Variants in INTS4 observed in about 807,000 individuals in gnomAD.
INTS4 encodes the protein MSTP093.
Under a neutral mutation model 119.5 loss-of-function variants are expected in INTS4, and 70 were observed. The observed-to-expected ratio is 0.59, with a 90% CI of 0.48 to 0.71. INTS4 has a LOEUF of 0.71. Ranked by LOEUF, INTS4 falls within the 30% of genes least tolerant of loss-of-function variation. INTS4 has a pLI of 0.00. For missense variants in INTS4, 867 were observed against 1,173.2 expected, an observed-to-expected ratio of 0.74 and a Z score of 3.81; for synonymous variants, 316 against 419.6, an observed-to-expected ratio of 0.75 and a Z score of 3.02.
At chr11:77,920,245 A>G (rs1331048655) in intron 14 of INTS4, among the ~76,000 whole-genome samples, 10 of 73,812 alleles carry the variant, frequency 1.4e-4, no homozygotes, top group African/African-American at 5.5e-4. Flanking sequence ...ATATACATAT[A>G]TATACATATA....
At chr11:77,948,145 G>A (rs2136544698) in intron 8 of INTS4, among the ~76,000 whole-genome samples, 1 of 152,146 alleles carries the variant, frequency 6.6e-6, no homozygotes, top group African/African-American at 2.4e-5. Flanking sequence ...CACCACACCA[G>A]CCTAACTGAA....
chr11:77,877,811 G>A (rs535906472), downstream of INTS4, among the ~76,000 whole-genome samples: 3 of 151,684 alleles, frequency 2.0e-5, no homozygotes, highest in Admixed American at 6.6e-5. Flanking sequence ...TTGAACTCCT[G>A]GGCTCAAGAA....
chr11:77,932,735 G>C (rs1048136188), intron 10 of INTS4, among the ~76,000 whole-genome samples: 21 of 152,090 alleles, frequency 1.4e-4, no homozygotes, highest in Middle Eastern at 3.2e-3. Context: ...ACTGGATAAA[G>C]AAAATGTGGC....
intron 16 of INTS4, among the ~76,000 whole-genome samples, chr11:77,904,589 A>G (rs1212319166): frequency 6.6e-6 from 1 of 152,226 alleles, no homozygotes; most frequent in Admixed American, 6.5e-5. Flanking sequence ...AGTCCCATGT[A>G]TCTGGTGGCT....
rs1294070454 is a variant in INTS4 at position 77,903,615 on chromosome 11, C to A, written c.2022G>T (p.Leu674Phe). ...LRCQLLLIKA[L>F]QEKLWNVAAP... ...CAGCTACATTCCACAACTTTTCCTG[C>A]AAGGCCTACGCAGACAAATCAGGAG... is the stretch of plus-strand genomic sequence containing the variant. Residue 674 changes from leucine to phenylalanine, a missense_variant, in exon 17 of 23, where the codon TTG becomes TTT. Leu to Phe is a conservative substitution (Grantham distance 22). Coordinates refer to ENST00000534064, the MANE Select transcript of INTS4 (RefSeq NM_033547.4). 2 of 1,613,112 alleles carry A rather than the reference C, an allele frequency of 1.2e-6. No homozygotes were observed. The highest frequency in any genetic ancestry group is 1.7e-6 in the Non-Finnish European group (2 of 1,179,436).
chr11:77,994,480 C>G, intron 1 of INTS4, 110 bp downstream of exon 1: 1 of 840,274 alleles, frequency 1.2e-6, no homozygotes, highest in Non-Finnish European at 2.1e-6. Flanking sequence ...ATCAACAAGT[C>G]AGCACTTAAC....
chr11:77,954,396 C>T (rs1254574089), intron 8 of INTS4, among the ~76,000 whole-genome samples: 2 of 151,962 alleles, frequency 1.3e-5, no homozygotes, highest in African/African-American at 4.8e-5. Flanking sequence ...ATGACCTGCC[C>T]ACCTCAGCCT....
intron 4 of INTS4, among the ~76,000 whole-genome samples, chr11:77,964,792 T>C (rs1443480397): frequency 3.9e-5 from 6 of 151,910 alleles, no homozygotes; most frequent in Admixed American, 3.9e-4. Flanking sequence ...GCTCTCTTTA[T>C]GGTAATAACA....
chr11:77,962,161 T>C (rs1390881931), intron 4 of INTS4, among the ~76,000 whole-genome samples: 1 of 152,222 alleles, frequency 6.6e-6, no homozygotes, highest in Non-Finnish European at 1.5e-5. Context: ...CACACACCTA[T>C]AGTCCCAGCT....
intron 11 of INTS4, 42 bp from the exon 12 acceptor site, chr11:77,924,934 T>C (rs973829878): frequency 6.0e-6 from 9 of 1,497,724 alleles, no homozygotes; most frequent in Non-Finnish European, 8.3e-6. Context: ...TACTGTTGGT[T>C]AGCAGACTCA....
At chr11:77,984,029 A>T (rs372711764) in intron 2 of INTS4, among the ~76,000 whole-genome samples, 1 of 152,232 alleles carries the variant, frequency 6.6e-6, no homozygotes, top group African/African-American at 2.4e-5. Flanking sequence ...GTATATACAC[A>T]TAATGGAATA....
At chr11:77,950,436 G>A (rs1954163183) in intron 8 of INTS4, among the ~76,000 whole-genome samples, 1 of 151,912 alleles carries the variant, frequency 6.6e-6, no homozygotes, top group South Asian at 2.1e-4. Flanking sequence ...GGAGGGAGTA[G>A]GAGAGAATGG....
chr11:77,903,787 G>A (rs1242030378), intron 16 of INTS4, among the ~76,000 whole-genome samples, 167 bp from the exon 17 acceptor site: 1 of 152,116 alleles, frequency 6.6e-6, no homozygotes, highest in Non-Finnish European at 1.5e-5. Context: ...AGAAAGATGA[G>A]ACCAATGGTT....
At chr11:77,890,785 T>C (rs577158034) in intron 21 of INTS4, among the ~76,000 whole-genome samples, 1 of 152,218 alleles carries the variant, frequency 6.6e-6, no homozygotes, top group African/African-American at 2.4e-5. Context: ...AATGAAGTAG[T>C]AGTACTCTTT....
At chr11:77,950,339 C>A (rs994518510) in intron 8 of INTS4, among the ~76,000 whole-genome samples, 1 of 151,526 alleles carries the variant, frequency 6.6e-6, no homozygotes, top group Non-Finnish European at 1.5e-5. Flanking sequence ...ATGTTCTGCA[C>A]ATGTATCCCA....
chr11:77,994,100 C>T (rs1377927617), intron 1 of INTS4, among the ~76,000 whole-genome samples: 1 of 152,022 alleles, frequency 6.6e-6, no homozygotes, highest in African/African-American at 2.4e-5. Context: ...GCTTAGACTG[C>T]GCCTGAAGGA....
chr11:77,948,508 C>T (rs556550713), intron 8 of INTS4, among the ~76,000 whole-genome samples: 104 of 151,844 alleles, frequency 6.8e-4, no homozygotes, highest in African/African-American at 2.4e-3. Flanking sequence ...ATTAGTTGGG[C>T]ATGGTGGCAC....
At chr11:77,908,873 G>T (rs1343468247) in intron 15 of INTS4, among the ~76,000 whole-genome samples, 1 of 152,130 alleles carries the variant, frequency 6.6e-6, no homozygotes, top group Non-Finnish European at 1.5e-5. Flanking sequence ...GACACTGTTG[G>T]TTGCCTGTCC....
chr11:77,963,524 A>G, intron 4 of INTS4: 2 of 392,804 alleles, frequency 5.1e-6, no homozygotes, highest in East Asian at 1.5e-4. Flanking sequence ...AAGTAAGGAA[A>G]CCACATCCCC....
Sources: allele counts gnomAD v4.1 joint callset (sites outside exome capture counted in the v4.1 genomes callset), GRCh38; gene constraint gnomAD v4.1.1; transcripts MANE v1.5; gene names NCBI Gene and HGNC (gene_info 2026-07-23, HGNC 2026-07-21).